GOLPH3: variants seen among roughly 807,000 people sequenced by gnomAD.
GOLPH3 encodes the protein golgi phosphoprotein 3.
In GOLPH3, 14 loss-of-function variants were observed where a neutral mutation model predicts 28.5. That is an observed-to-expected ratio of 0.49 (90% CI 0.32 to 0.77). GOLPH3 has a LOEUF of 0.77. Ranked by LOEUF, GOLPH3 falls within the 30% of genes least tolerant of loss-of-function variation. The pLI is 0.03. For synonymous variants in GOLPH3, 158 were observed against 159.2 expected (o/e 0.99, Z 0.06); for missense variants, 350 against 393.7 (o/e 0.89, Z 0.94).
chr5:32,137,049 T>C lies in GOLPH3; in HGVS notation c.358-1363A>G, dbSNP rs1279757446. Among the ~76,000 whole-genome samples, 6 of 151,848 alleles carry C rather than the reference T, an allele frequency of 4.0e-5. No individual in the cohort carries two copies. The East Asian group carries it at 9.7e-4, about 25-fold the overall frequency. On this transcript the variant is annotated intron_variant, in intron 2 of 3. Coordinates refer to ENST00000265070, the MANE Select transcript of GOLPH3 (RefSeq NM_022130.4). ...CTCGGCTCACTGCAAACCTCTGCCC[T>C]CCCCGGTACAAGCAATTCTCCTGCC... is the stretch of plus-strand genomic sequence containing the variant.
intron 1 of GOLPH3, among the ~76,000 whole-genome samples, chr5:32,172,947 G>C (rs541167525): frequency 6.6e-6 from 1 of 152,222 alleles, no homozygotes; most frequent in Non-Finnish European, 1.5e-5. Flanking sequence ...ATATGCATAT[G>C]TATCTATCAC....
chr5:32,173,806 G>A lies in GOLPH3; in HGVS notation c.225+4C>T, dbSNP rs1361729294. ...GCCCCCCGCCCAGCCCGCCGCGCCC[G>A]CACCTCGCGGTCCTTGAGGCCCAGC... On this transcript the variant is annotated splice_donor_region_variant and intron_variant, in intron 1 of 3. Transcript: ENST00000265070. The A allele has an allele frequency of 4.2e-6, 6 of 1,417,908 alleles. No homozygotes were observed. In the African/African-American group the frequency reaches 4.5e-5, roughly 11 times the overall value. 87.8% of individuals were successfully genotyped at this position (1,417,908 alleles called of 1,614,324 possible). A position where few individuals can be genotyped will look rare whatever the true frequency, so the allele number is the denominator to read the frequency against.
At chr5:32,153,169 A>C (rs1746348906) in intron 1 of GOLPH3, among the ~76,000 whole-genome samples, 1 of 152,246 alleles carries the variant, frequency 6.6e-6, no homozygotes, top group Non-Finnish European at 1.5e-5. Flanking sequence ...AGTAATAGTG[A>C]TAGAGAACAA....
chr5:32,152,942 A>C (rs372955836), intron 1 of GOLPH3, among the ~76,000 whole-genome samples: 5 of 152,182 alleles, frequency 3.3e-5, no homozygotes, highest in African/African-American at 1.2e-4. Flanking sequence ...TCACACATAG[A>C]TTTACCCTTT....
At chr5:32,155,560 T>G (rs1210820546) in intron 1 of GOLPH3, among the ~76,000 whole-genome samples, 1 of 152,148 alleles carries the variant, frequency 6.6e-6, no homozygotes, top group African/African-American at 2.4e-5. Flanking sequence ...AAACTCCCCT[T>G]AAGCATTTCA....
intron 3 of GOLPH3, among the ~76,000 whole-genome samples, chr5:32,133,474 A>G (rs77995733): frequency 0.015 from 2,218 of 152,374 alleles, 21 homozygotes; most frequent in Non-Finnish European, 0.024. Context: ...AGAAGCAGTC[A>G]TGGGCCAACA....
chr5:32,163,934 G>C, intron 1 of GOLPH3, among the ~76,000 whole-genome samples: 1 of 152,048 alleles, frequency 6.6e-6, no homozygotes. Context: ...TAAGAAACTG[G>C]AACTAGAAAA....
In GOLPH3 at chr5:32,126,634, C is replaced by A. The variant is rs1745687941; in HGVS notation, c.475G>T (p.Glu159Ter). The A allele has an allele frequency of 6.2e-7, 1 of 1,605,480 alleles. No homozygotes were observed. Among genetic ancestry groups the A allele is most frequent in the Non-Finnish European group, 8.5e-7 (1 of 1,176,140 alleles). ...TGCAATTTTAATGGATTCCATGTCTCACCTAAACAAAAGATTTCAGAAGTT... is the reference window on the plus strand; with the variant it reads ...TGCAATTTTAATGGATTCCATGTCTAACCTAAACAAAAGATTTCAGAAGTT... ...VQNWIELLSG[E>*]TWNPLKLHYQ... is the part of the protein sequence containing the mutation. The change falls in exon 4 of 4, where the codon GAG (glutamate) becomes TAG (stop). Residue 159 changes from glutamate (E) to a stop codon, truncating the protein, a stop_gained and splice_region_variant. Transcript: ENST00000265070. LOFTEE classifies it high-confidence loss of function.
chr5:32,125,658 A>G lies in GOLPH3; in HGVS notation c.*554T>C, dbSNP rs2111829060. 6.5e-6 allele frequency: 1 copy of G among 152,950 alleles called. No individual in the cohort carries two copies. The highest frequency in any genetic ancestry group is 1.9e-4 in the East Asian group (1 of 5,196). 9.5% of individuals were successfully genotyped at this position (152,950 alleles called of 1,614,324 possible). ...ACAAGTGTAATAATACAATAGATTT[A>G]CATGGGAAGCAAAATCCAAGGGACA... is the stretch of plus-strand genomic sequence containing the variant. On this transcript the variant is annotated 3_prime_UTR_variant, in exon 4 of 4. Transcript: ENST00000265070.
intron 1 of GOLPH3, among the ~76,000 whole-genome samples, chr5:32,160,806 G>T (rs1432580132): frequency 6.6e-6 from 1 of 152,156 alleles, no homozygotes; most frequent in East Asian, 1.9e-4. Flanking sequence ...GGTGGCTCAC[G>T]CCTGTAATCC....
intron 3 of GOLPH3, among the ~76,000 whole-genome samples, chr5:32,130,295 C>T (rs671879): frequency 0.17 from 26,222 of 152,028 alleles, 5,015 homozygotes; most frequent in African/African-American, 0.48. Context: ...TTGTGTTAAA[C>T]GACTTAGGGA....
intron 1 of GOLPH3, among the ~76,000 whole-genome samples, chr5:32,145,841 T>C (rs1341697041): frequency 6.6e-6 from 1 of 152,160 alleles, no homozygotes; most frequent in Non-Finnish European, 1.5e-5. Context: ...GGAAAGTAGA[T>C]GAATGGGAAC....
rs111375894 is a variant in GOLPH3, at chr5:32,170,200, A to C, written c.225+3610T>G. Reference sequence around the variant, plus strand: ...ACGATATGGATGAATCTCACATTGAACAAAAAGCAGACACAAAGTACAAAA... The same window carrying C: ...ACGATATGGATGAATCTCACATTGACCAAAAAGCAGACACAAAGTACAAAA... On this transcript the variant is annotated intron_variant, in intron 1 of 3. Coordinates refer to ENST00000265070, the MANE Select transcript of GOLPH3 (RefSeq NM_022130.4). 9.9e-3 allele frequency among the ~76,000 whole-genome samples: 1,502 copies of C among 152,320 alleles called. 26 individuals are homozygous for C. The highest frequency in any genetic ancestry group is 0.035 in the African/African-American group (1,460 of 41,562).
chr5:32,173,309 C>T (rs1186319319), intron 1 of GOLPH3, among the ~76,000 whole-genome samples: 1 of 151,726 alleles, frequency 6.6e-6, no homozygotes, highest in Admixed American at 6.6e-5. Context: ...CTACGTTTTT[C>T]GTAATTCCCA....
chr5:32,133,451 A>G (rs752608418), intron 3 of GOLPH3, among the ~76,000 whole-genome samples: 45 of 152,242 alleles, frequency 3.0e-4, no homozygotes, highest in Admixed American at 6.5e-5. Flanking sequence ...TACAAATTCT[A>G]ATTTGCAACA....
At chr5:32,162,087 T>C (rs1746596026) in intron 1 of GOLPH3, among the ~76,000 whole-genome samples, 1 of 151,194 alleles carries the variant, frequency 6.6e-6, no homozygotes, top group Non-Finnish European at 1.5e-5. Flanking sequence ...AAGTGGTACT[T>C]CAAGTTTCCA....
intron 3 of GOLPH3, among the ~76,000 whole-genome samples, chr5:32,127,249 A>G (rs1745702748): frequency 6.6e-6 from 1 of 152,252 alleles, no homozygotes; most frequent in Admixed American, 6.5e-5. Flanking sequence ...GTTCTTCTTT[A>G]TAGAAAACTG....
chr5:32,157,405 A>T (rs910124501), intron 1 of GOLPH3, among the ~76,000 whole-genome samples: 1 of 152,196 alleles, frequency 6.6e-6, no homozygotes, highest in Non-Finnish European at 1.5e-5. Flanking sequence ...AGCTCATTTC[A>T]ACCTTCGCAA....
intron 1 of GOLPH3, among the ~76,000 whole-genome samples, chr5:32,172,593 G>A (rs1032465040): frequency 3.9e-5 from 6 of 152,158 alleles, no homozygotes; most frequent in Non-Finnish European, 8.8e-5. Flanking sequence ...TACTCGGGAG[G>A]CTGAGGCAGG....
Sources: allele counts gnomAD v4.1 joint callset (sites outside exome capture counted in the v4.1 genomes callset), GRCh38; gene constraint gnomAD v4.1.1; transcripts MANE v1.5; gene names NCBI Gene and HGNC (gene_info 2026-07-23, HGNC 2026-07-21).